The following ATP5F1D variants were observed in gnomAD, a reference collection of about 807,000 sequenced individuals.
ATP5F1D encodes the protein ATP synthase F(1) complex subunit delta, mitochondrial.
A neutral mutation model predicts 13.0 loss-of-function variants in ATP5F1D; 16 were observed. The ratio of observed to expected loss-of-function variants is 1.23; its 90% CI spans 0.83 to 1.87. The LOEUF is 1.87. ATP5F1D is among the 40% of genes most tolerant of loss of function. ATP5F1D has a pLI of 0.00. For synonymous variants in ATP5F1D, 129 were observed against 116.2 expected (o/e 1.11, Z -0.71); for missense variants, 294 against 246.2 (o/e 1.19, Z -1.30).
intron 2 of ATP5F1D, 80 bp downstream of exon 2, chr19:1,242,689 G>T (rs2081043782): frequency 1.4e-6 from 2 of 1,380,192 alleles, no homozygotes; most frequent in Non-Finnish European, 9.5e-7. Flanking sequence ...AGTTGAGGCT[G>T]CGAGAAAAAA....
At chr19:1,242,296 G>A in intron 1 of ATP5F1D, 160 bp from the exon 2 acceptor site, 2 of 937,154 alleles carry the variant, frequency 2.1e-6, no homozygotes, top group Non-Finnish European at 2.9e-6. Flanking sequence ...CAACTGTTGA[G>A]GACCAAAGCT....
chr19:1,243,148 C>A (rs1337637068), intron 2 of ATP5F1D: 2 of 152,598 alleles, frequency 1.3e-5, no homozygotes, highest in African/African-American at 4.8e-5. Context: ...GTGATGAAAG[C>A]GAACCAGAGG....
intron 1 of ATP5F1D, 161 bp downstream of exon 1, chr19:1,242,152 G>T (rs2081040647): frequency 1.0e-6 from 1 of 984,392 alleles, no homozygotes; most frequent in Non-Finnish European, 1.3e-6. Flanking sequence ...TGCTGCCCGA[G>T]CCCTGCGCTG....
rs1401058464 is a variant in ATP5F1D at position 1,244,302 on chromosome 19, C to T, written c.385-13C>T. On this transcript the variant is annotated splice_polypyrimidine_tract_variant and intron_variant, in intron 3 of 3. Transcript: ENST00000215375. ...TCGCTGCTGGCCCCTCACCGCCCCT[C>T]AACCCCTTGCAGGCAGCCAAGGCAA... The T allele has an allele frequency of 2.5e-6, 4 of 1,590,302 alleles. No homozygotes were observed. The highest frequency in any genetic ancestry group is 3.4e-6 in the Non-Finnish European group (4 of 1,168,892).
Position 1,244,156 on chromosome 19 carries a change from G to A in ATP5F1D, c.355G>A (p.Ala119Thr), listed in dbSNP as rs200123308. 2.2e-5 allele frequency: 36 copies of A among 1,612,288 alleles called. No homozygotes were observed. Among genetic ancestry groups the A allele is most frequent in the East Asian group, 4.5e-5 (2 of 44,848 alleles). ...DSSVQLLAEEAVTLDMLDLGA... is the reference protein window; with the variant it reads ...DSSVQLLAEETVTLDMLDLGA... ...TTCGGTGCAGTTGTTGGCCGAAGAG[G>A]CCGTGACGCTGGACATGTTGGACCT... The change falls in exon 3 of 4, where the codon GCC becomes ACC. Residue 119 changes from alanine to threonine, a missense_variant. Coordinates refer to ENST00000215375, the MANE Select transcript of ATP5F1D (RefSeq NM_001687.5).
intron 3 of ATP5F1D, 36 bp from the exon 4 acceptor site, chr19:1,244,279 G>A (rs368955968): frequency 6.3e-7 from 1 of 1,581,206 alleles, no homozygotes; most frequent in Admixed American, 1.8e-5. Flanking sequence ...GGCTGGGGTC[G>A]CTGCTGGCCC....
Position 1,244,490 on chromosome 19 carries a change from A to G in ATP5F1D, c.*53A>G. 6.5e-7 allele frequency: 1 copy of G among 1,528,460 alleles called. No homozygotes were observed. Among genetic ancestry groups the G allele is most frequent in the Non-Finnish European group, 8.8e-7 (1 of 1,133,624 alleles). 94.7% of individuals were successfully genotyped at this position (1,528,460 alleles called of 1,614,324 possible). A position where few individuals can be genotyped will look rare whatever the true frequency, so the allele number is the denominator to read the frequency against. ...CGGCCAGGGGCTGGGCAGGGATGCC[A>G]GGTGGGCCCAGCCAGCTCCTGGGGT... is the stretch of plus-strand genomic sequence containing the variant. On this transcript the variant is annotated 3_prime_UTR_variant, in exon 4 of 4. Transcript: ENST00000215375.
Position 1,244,693 on chromosome 19 carries a change from C to A in ATP5F1D, c.*256C>A, listed in dbSNP as rs1239775854. On this transcript the variant is annotated 3_prime_UTR_variant, in exon 4 of 4. Coordinates refer to ENST00000215375, the MANE Select transcript of ATP5F1D (RefSeq NM_001687.5). The stretch of plus-strand genomic sequence containing the variant: ...GGGCTCTCCTTCCGCCTCTCAAGAT[C>A]CCCCCAGCCTGACGGGCCGCTTACC... 2.1e-5 allele frequency: 11 copies of A among 525,440 alleles called. No individual in the cohort carries two copies. The highest frequency in any genetic ancestry group is 5.3e-4 in the Middle Eastern group (1 of 1,896). The allele number at this position is 525,440 out of a possible 1,614,324, so 32.5% of individuals were successfully genotyped here. A position where few individuals can be genotyped will look rare whatever the true frequency, so the allele number is the denominator to read the frequency against.
In ATP5F1D at chr19:1,241,888, G is replaced by A. The variant is rs765301972; in HGVS notation, c.38G>A (p.Gly13Asp). The change falls in exon 1 of 4, where the codon GGC becomes GAC. Residue 13 changes from glycine to aspartate, a missense_variant. Physicochemically the swap from Gly to Asp is moderately conservative, Grantham distance 94 (BLOSUM62 -1). Coordinates refer to ENST00000215375, the MANE Select transcript of ATP5F1D (RefSeq NM_001687.5). ...GCGCTGCTCCGCCGCCCGGGACTTGGCCGCCTCGTCCGCCACGCCCGTGCC... is the reference window on the plus strand; with the variant it reads ...GCGCTGCTCCGCCGCCCGGGACTTGACCGCCTCGTCCGCCACGCCCGTGCC... ...PAALLRRPGL[G>D]RLVRHARAYA... 1.4e-6 allele frequency: 2 copies of A among 1,440,286 alleles called. No individual in the cohort carries two copies. Among genetic ancestry groups the A allele is most frequent in the South Asian group, 1.4e-5 (1 of 70,842 alleles). 89.2% of individuals were successfully genotyped at this position (1,440,286 alleles called of 1,614,324 possible).
At chr19:1,243,931 G>A (rs1262178433) in intron 2 of ATP5F1D, 166 bp from the exon 3 acceptor site, 1 of 677,136 alleles carries the variant, frequency 1.5e-6, no homozygotes. Flanking sequence ...TGCCCGCCAT[G>A]TTGGGCCCAG....
intron 3 of ATP5F1D, 57 bp downstream of exon 3, chr19:1,244,242 G>A: frequency 1.3e-6 from 2 of 1,583,800 alleles, no homozygotes; most frequent in Non-Finnish European, 8.6e-7. Context: ...GGCTGCGGGG[G>A]AGGGAGCGCT....
At chr19:1,242,012 G>A in intron 1 of ATP5F1D, 21 bp downstream of exon 1, 1 of 1,392,458 alleles carries the variant, frequency 7.2e-7, no homozygotes, top group South Asian at 1.6e-5. Context: ...TGCGGGTCGG[G>A]ACCCTCCGTG....
Position 1,242,746 on chromosome 19 carries a change from T to G in ATP5F1D, c.295+137T>G. ...GGCTCAAGCCTGTAATCCCAGCACT[T>G]TGGGAGGCCGAGGCAGGTGGATCAC... On this transcript the variant is annotated intron_variant, in intron 2 of 3. Coordinates refer to ENST00000215375, the MANE Select transcript of ATP5F1D (RefSeq NM_001687.5). 3 of 1,151,596 alleles carry G rather than the reference T, an allele frequency of 2.6e-6. No homozygotes were observed. The Admixed American group carries it at 1.2e-4, about 45-fold the overall frequency. The allele number at this position is 1,151,596 out of a possible 1,614,324, so 71.3% of individuals were successfully genotyped here.
In ATP5F1D at chr19:1,242,507, G is replaced by A; in HGVS notation, c.193G>A (p.Gly65Arg). Residue 65 changes from glycine (G) to arginine (R), a missense_variant, in exon 2 of 4, where the codon GGA becomes AGA. Coordinates refer to ENST00000215375, the MANE Select transcript of ATP5F1D (RefSeq NM_001687.5). ...GCAGGTGGACGTGCCCACGCTGACC[G>A]GAGCCTTCGGCATCCTGGCGGCCCA... ...VRQVDVPTLT[G>R]AFGILAAHVP... The A allele has an allele frequency of 6.4e-7, 1 of 1,553,202 alleles. No individual in the cohort carries two copies. The highest frequency in any genetic ancestry group is 8.7e-7 in the Non-Finnish European group (1 of 1,148,796).
Position 1,242,495 on chromosome 19 carries a change from C to T in ATP5F1D, c.181C>T (p.Pro61Ser). The T allele has an allele frequency of 6.4e-7, 1 of 1,553,812 alleles. No homozygotes were observed. The highest frequency in any genetic ancestry group is 1.9e-5 in the Admixed American group (1 of 52,212). ...TGCCAACGTCCGGCAGGTGGACGTGCCCACGCTGACCGGAGCCTTCGGCAT... is the reference window on the plus strand; with the variant it reads ...TGCCAACGTCCGGCAGGTGGACGTGTCCACGCTGACCGGAGCCTTCGGCAT... ...NGANVRQVDVPTLTGAFGILA... is the reference protein window; with the variant it reads ...NGANVRQVDVSTLTGAFGILA... The change falls in exon 2 of 4, where the codon CCC (proline) becomes TCC (serine). Residue 61 changes from proline (P) to serine (S), a missense_variant. Transcript: ENST00000215375.
At chr19:1,243,533 G>A (rs2081047815) in intron 2 of ATP5F1D, among the ~76,000 whole-genome samples, 2 of 152,214 alleles carry the variant, frequency 1.3e-5, no homozygotes, top group South Asian at 4.1e-4. Flanking sequence ...GTGCACACCT[G>A]TAGTCCCAGC....
chr19:1,244,619 T>C lies in ATP5F1D; in HGVS notation c.*182T>C. ...TGCCTGTGTTGAAAGCTCTGGGGAC[T>C]GGGCCAGGGAAGCTCCTCCTCAGCT... On this transcript the variant is annotated 3_prime_UTR_variant, in exon 4 of 4. Coordinates refer to ENST00000215375, the MANE Select transcript of ATP5F1D (RefSeq NM_001687.5). 1.0e-6 allele frequency: 1 copy of C among 989,074 alleles called. No individual in the cohort carries two copies. Among genetic ancestry groups the C allele is most frequent in the Non-Finnish European group, 1.5e-6 (1 of 686,500 alleles). The allele number at this position is 989,074 out of a possible 1,614,324, so 61.3% of individuals were successfully genotyped here. A position where few individuals can be genotyped will look rare whatever the true frequency, so the allele number is the denominator to read the frequency against.
intron 2 of ATP5F1D, chr19:1,243,368 A>G (rs1269475149): frequency 6.6e-6 from 1 of 152,046 alleles, no homozygotes; most frequent in Non-Finnish European, 1.5e-5. Context: ...AAATAAAAAG[A>G]AACTGACCAG....
chr19:1,242,816 C>G, intron 2 of ATP5F1D: 4 of 487,348 alleles, frequency 8.2e-6, no homozygotes, highest in Non-Finnish European at 1.3e-5. Context: ...CATGATGTAA[C>G]CCCGTCTCTT....
Sources: gnomAD v4.1 joint callset for allele counts (sites outside exome capture counted in the v4.1 genomes callset) on GRCh38, gnomAD v4.1.1 for gene constraint, MANE v1.5 for transcripts, NCBI Gene and HGNC (gene_info 2026-07-23, HGNC 2026-07-21) for gene names.